Variants in LEF1 observed in about 807,000 individuals in gnomAD.
LEF1 encodes lymphoid enhancer-binding factor 1.
In LEF1, 14 loss-of-function variants were observed where a neutral mutation model predicts 51.2. That is an observed-to-expected ratio of 0.27 (90% CI 0.18 to 0.43). The LOEUF is 0.43. LEF1 is among the 20% of genes least tolerant of loss of function. The pLI, the probability that LEF1 is intolerant of heterozygous loss-of-function variation, is 1.00. For synonymous variants in LEF1, 185 were observed against 183.2 expected, an observed-to-expected ratio of 1.01 and a Z score of -0.08; for missense variants, 386 against 512.0, an observed-to-expected ratio of 0.75 and a Z score of 2.37.
chr4:108,085,939 C>T (rs1256103834), intron 4 of LEF1, among the ~76,000 whole-genome samples: 6 of 152,214 alleles, frequency 3.9e-5, no homozygotes, highest in African/African-American at 1.4e-4. Context: ...ATGTATCTAA[C>T]CATGGTTTTC....
intron 3 of LEF1, among the ~76,000 whole-genome samples, chr4:108,108,186 T>A (rs530241874): frequency 2.6e-5 from 4 of 152,344 alleles, no homozygotes; most frequent in African/African-American, 7.2e-5. Flanking sequence ...TTTAACAGTG[T>A]GCTTCGACTT....
At chr4:108,160,262 T>C (rs150352231) in intron 3 of LEF1, among the ~76,000 whole-genome samples, 1 of 152,154 alleles carries the variant, frequency 6.6e-6, no homozygotes, top group African/African-American at 2.4e-5. Context: ...TAAAGAACTA[T>C]TTTTTTCTTT....
At chr4:108,075,219 C>T (rs1738770154) in intron 8 of LEF1, among the ~76,000 whole-genome samples, 1 of 152,148 alleles carries the variant, frequency 6.6e-6, no homozygotes, top group Admixed American at 6.5e-5. Flanking sequence ...CCCTGGAAAC[C>T]CTGGTGACTT....
chr4:108,058,961 G>A (rs1305610712), intron 11 of LEF1, among the ~76,000 whole-genome samples: 1 of 152,180 alleles, frequency 6.6e-6, no homozygotes, highest in African/African-American at 2.4e-5. Context: ...TCCCACAAAT[G>A]ACTAGTCCGA....
chr4:108,168,060 A>C lies in LEF1; in HGVS notation c.-293T>G, dbSNP rs148635832. 6,353 of 157,330 alleles carry C rather than the reference A, an allele frequency of 0.04. 443 individuals carry two copies. The highest frequency in any genetic ancestry group is 0.14 in the African/African-American group (5,964 of 41,530). 9.7% of individuals were successfully genotyped at this position (157,330 alleles called of 1,614,324 possible). On this transcript the variant is annotated 5_prime_UTR_variant, in exon 1 of 12. Coordinates refer to ENST00000265165, the MANE Select transcript of LEF1 (RefSeq NM_016269.5). The surrounding 1 kb of genome is among the most constrained non-coding windows in gnomAD (Gnocchi z 4.6). ...GCGGCGAGGGCTGCGGTAGCTGGCG[A>C]CTCCGGGGGCGTCTGCGCGGCGCGC...
intron 3 of LEF1, among the ~76,000 whole-genome samples, chr4:108,113,231 AC>A (rs1336778276): frequency 6.6e-6 from 1 of 152,250 alleles, no homozygotes; most frequent in East Asian, 1.9e-4. Context: ...AAAGAAAGCT[AC>A]ATGGAACCAG....
intron 11 of LEF1, among the ~76,000 whole-genome samples, chr4:108,059,700 G>A (rs1045627490): frequency 6.6e-6 from 1 of 151,940 alleles, no homozygotes; most frequent in Non-Finnish European, 1.5e-5. Flanking sequence ...CTGACAGACT[G>A]GTTTGTTTTT....
chr4:108,148,289 A>C (rs936668380), intron 3 of LEF1, among the ~76,000 whole-genome samples: 1 of 5,798 alleles, frequency 1.7e-4, no homozygotes, highest in Admixed American at 5.5e-3. Flanking sequence ...AAAAAAAAAA[A>C]TTTATCAAGC....
At position 108,054,267 on chromosome 4, in the gene LEF1, G is replaced by T. The variant is rs77938352; in HGVS notation, c.*7-5516C>A. 5.9e-5 allele frequency among the ~76,000 whole-genome samples: 9 copies of T among 152,320 alleles called. No homozygotes were observed. The South Asian group carries it at 1.0e-3, about 18-fold the overall frequency. On this transcript the variant is annotated intron_variant, in intron 11 of 11. Transcript: ENST00000265165. ...GAAGCTGCTCTACCTCATCAGGTGCGCTGCGGGATGTGGGAGACGTATGTG... is the reference window on the plus strand; with the variant it reads ...GAAGCTGCTCTACCTCATCAGGTGCTCTGCGGGATGTGGGAGACGTATGTG...
At chr4:108,147,565 AT>A (rs1001044029) in intron 3 of LEF1, among the ~76,000 whole-genome samples, 4 of 152,188 alleles carry the variant, frequency 2.6e-5, no homozygotes, top group Non-Finnish European at 5.9e-5. Flanking sequence ...TCTAGTACAT[AT>A]AATCCTGTAT....
chr4:108,128,040 A>C (rs1283650435), intron 3 of LEF1, among the ~76,000 whole-genome samples: 1 of 152,224 alleles, frequency 6.6e-6, no homozygotes, highest in Non-Finnish European at 1.5e-5. Context: ...TATTCACTGC[A>C]TAATTTGAAT....
At chr4:108,129,958 T>A (rs2110348904) in intron 3 of LEF1, among the ~76,000 whole-genome samples, 1 of 152,320 alleles carries the variant, frequency 6.6e-6, no homozygotes, top group East Asian at 1.9e-4. Flanking sequence ...GAAAGAAACA[T>A]GGTCCTCTTA....
intron 3 of LEF1, among the ~76,000 whole-genome samples, chr4:108,155,211 G>A (rs1744616071): frequency 6.6e-6 from 1 of 152,144 alleles, no homozygotes; most frequent in African/African-American, 2.4e-5. Context: ...GTAGTTAAGA[G>A]TTATCTGGCA....
In LEF1 at chr4:108,081,394, G is replaced by A. The variant is rs572350666; in HGVS notation, c.722+192C>T. Among the ~76,000 whole-genome samples the A allele has an allele frequency of 9.2e-5, 14 of 152,118 alleles. 1 individual carries two copies. Among genetic ancestry groups the A allele is most frequent in the Admixed American group, 6.5e-4 (10 of 15,300 alleles). On this transcript the variant is annotated intron_variant, in intron 6 of 11. Transcript: ENST00000265165. ...GCCCGATGGTGTGGCTGGTCCGGCC[G>A]GGGCACAGCGCAGAGCTCCTACCCG...
chr4:108,125,174 T>G (rs1242982052), intron 3 of LEF1, among the ~76,000 whole-genome samples: 1 of 152,218 alleles, frequency 6.6e-6, no homozygotes. Context: ...TTTTATTTAT[T>G]TATTTTTGAG....
chr4:108,135,527 G>A lies in LEF1; in HGVS notation c.414+28041C>T, dbSNP rs535538170. On this transcript the variant is annotated intron_variant, in intron 3 of 11. Coordinates refer to ENST00000265165, the MANE Select transcript of LEF1 (RefSeq NM_016269.5). ...CCTTCCAGTGGAGGCTCAGGATGGC[G>A]AGAGTGAAGGTGGAGGGAGTTATTC... 3.3e-5 allele frequency among the ~76,000 whole-genome samples: 5 copies of A among 152,304 alleles called. No homozygotes were observed. In the South Asian group the frequency reaches 6.2e-4, roughly 19 times the overall value.
Position 108,102,563 on chromosome 4 carries a change from G to A in LEF1, c.415-13306C>T, listed in dbSNP as rs530043344. 3.3e-5 allele frequency among the ~76,000 whole-genome samples: 5 copies of A among 152,300 alleles called. No individual in the cohort carries two copies. In the East Asian group the frequency reaches 9.6e-4, roughly 29 times the overall value. ...GTCTCAGAAGAAGGGAAGGAGATAG[G>A]AGGCACCTAGAGTCAGTTGCATAGA... On this transcript the variant is annotated intron_variant, in intron 3 of 11. Coordinates refer to ENST00000265165, the MANE Select transcript of LEF1 (RefSeq NM_016269.5).
At chr4:108,165,246 G>T (rs1745312648) in intron 1 of LEF1, 83 bp from the exon 2 acceptor site, 2 of 1,320,462 alleles carry the variant, frequency 1.5e-6, no homozygotes, top group African/African-American at 1.4e-5. Flanking sequence ...TGTGTGCGCT[G>T]GTAATTCAAA....
rs770337374 is a variant in LEF1, at chr4:108,081,561, C to T, written c.722+25G>A. On this transcript the variant is annotated intron_variant, in intron 6 of 11. Coordinates refer to ENST00000265165, the MANE Select transcript of LEF1 (RefSeq NM_016269.5). The stretch of plus-strand genomic sequence containing the variant: ...ACGAGAAGAGCAACTTGTCCTCGAG[C>T]GCCCCAGTTTCCACCTCCACCTACC... 2.1e-5 allele frequency: 33 copies of T among 1,589,000 alleles called. No individual in the cohort carries two copies. In the Admixed American group the frequency reaches 2.3e-4, roughly 11 times the overall value.
Sources: allele counts gnomAD v4.1 joint callset (sites outside exome capture counted in the v4.1 genomes callset), GRCh38; gene constraint gnomAD v4.1.1; non-coding constraint Gnocchi (gnomAD v3.1); transcripts MANE v1.5; gene names NCBI Gene and HGNC (gene_info 2026-07-23, HGNC 2026-07-21).